Variants in SCHIP1 observed in about 807,000 individuals in gnomAD.
SCHIP1 encodes schwannomin-interacting protein 1.
In SCHIP1, 8 loss-of-function variants were observed where a neutral mutation model predicts 29.7. The ratio of observed to expected loss-of-function variants is 0.27; its 90% CI spans 0.16 to 0.49. SCHIP1 has a LOEUF of 0.49. Among genes scored for constraint, SCHIP1 ranks in the 20% least tolerant of loss-of-function variants. The pLI is 0.99. For missense variants in SCHIP1, 193 were observed against 294.6 expected, an observed-to-expected ratio of 0.66 and a Z score of 2.52; for synonymous variants, 76 against 94.9, an observed-to-expected ratio of 0.80 and a Z score of 1.16.
At chr3:159,563,579 A>C in the SCHIP1 span, among the ~76,000 whole-genome samples, 1 of 152,312 alleles carries the variant, frequency 6.6e-6, no homozygotes, top group Middle Eastern at 3.4e-3. Flanking sequence ...CTGTAATCCC[A>C]GCACTTTGGA....
At chr3:159,811,570 C>T in the SCHIP1 span, among the ~76,000 whole-genome samples, 5 of 152,276 alleles carry the variant, frequency 3.3e-5, no homozygotes, top group East Asian at 9.6e-4. Flanking sequence ...ACCTTGGCAC[C>T]TTTGTCAAAA....
chr3:159,556,346 G>A, the SCHIP1 span, among the ~76,000 whole-genome samples: 1 of 152,084 alleles, frequency 6.6e-6, no homozygotes, highest in Non-Finnish European at 1.5e-5. Flanking sequence ...CAACCATTGT[G>A]GAAGTCAGTG....
intron 6 of SCHIP1, chr3:159,893,942 A>C (rs561634223): frequency 5.3e-5 from 8 of 152,342 alleles, no homozygotes; most frequent in African/African-American, 1.9e-4. Context: ...CAGCAGCCCC[A>C]GAGTCCTGCA....
chr3:159,311,418 T>C, the SCHIP1 span, among the ~76,000 whole-genome samples: 1 of 152,156 alleles, frequency 6.6e-6, no homozygotes, highest in Non-Finnish European at 1.5e-5. Flanking sequence ...AATTTCTAGC[T>C]ACCCAGGTGT....
the SCHIP1 span, among the ~76,000 whole-genome samples, chr3:159,437,210 G>A: frequency 3.3e-5 from 5 of 152,180 alleles, no homozygotes; most frequent in Admixed American, 2.6e-4. Context: ...CTAGCTGCCA[G>A]CCATGCCAGC....
chr3:159,654,279 C>T, the SCHIP1 span, among the ~76,000 whole-genome samples: 394 of 152,226 alleles, frequency 2.6e-3, 2 homozygotes, highest in Middle Eastern at 0.01. Flanking sequence ...TGCAACCTCA[C>T]TCATTCTCTC....
At chr3:159,710,117 G>T in the SCHIP1 span, among the ~76,000 whole-genome samples, 1 of 152,144 alleles carries the variant, frequency 6.6e-6, no homozygotes, top group African/African-American at 2.4e-5. Context: ...AAATCTGTAC[G>T]TTGAAGAGAT....
At chr3:159,508,887 A>G in the SCHIP1 span, among the ~76,000 whole-genome samples, 2 of 152,202 alleles carry the variant, frequency 1.3e-5, no homozygotes, top group Non-Finnish European at 2.9e-5. Flanking sequence ...TTTACTTCCA[A>G]CTATGTGGTC....
At chr3:159,896,961 A>G (rs1718119154) in exon 7 of SCHIP1, 2 of 508,334 alleles carry the variant, frequency 3.9e-6, no homozygotes, top group Non-Finnish European at 6.5e-6. Flanking sequence ...GCCACTTAAT[A>G]TCAGGCATTT....
chr3:159,737,736 G>A, the SCHIP1 span, among the ~76,000 whole-genome samples: 1 of 152,126 alleles, frequency 6.6e-6, no homozygotes, highest in Non-Finnish European at 1.5e-5. Flanking sequence ...CATGATTCCA[G>A]GGCTGGCAAA....
chr3:159,380,465 T>C, the SCHIP1 span, among the ~76,000 whole-genome samples: 1 of 152,206 alleles, frequency 6.6e-6, no homozygotes, highest in East Asian at 1.9e-4. Context: ...AACTTATTTC[T>C]TTTCGTAAAA....
chr3:159,736,862 G>A, the SCHIP1 span, among the ~76,000 whole-genome samples: 5 of 152,082 alleles, frequency 3.3e-5, no homozygotes, highest in Non-Finnish European at 7.4e-5. Flanking sequence ...AGTCTCCTGA[G>A]TAGCTGGGAC....
chr3:159,424,284 A>C, the SCHIP1 span, among the ~76,000 whole-genome samples: 1 of 152,144 alleles, frequency 6.6e-6, no homozygotes, highest in Non-Finnish European at 1.5e-5. Flanking sequence ...AGAAGTTAAA[A>C]ACTTTGAAAA....
At chr3:159,498,276 T>C in the SCHIP1 span, among the ~76,000 whole-genome samples, 3 of 152,240 alleles carry the variant, frequency 2.0e-5, no homozygotes, top group Non-Finnish European at 2.9e-5. Context: ...AACTCATTTC[T>C]ATCTTTTAAG....
At chr3:159,859,037 A>G (rs1346476805) in intron 1 of SCHIP1, among the ~76,000 whole-genome samples, 2 of 152,254 alleles carry the variant, frequency 1.3e-5, no homozygotes, top group Non-Finnish European at 2.9e-5. Context: ...CTGACTTACT[A>G]TCCGTTCAGT....
At chr3:159,451,812 T>C in the SCHIP1 span, among the ~76,000 whole-genome samples, 31 of 152,212 alleles carry the variant, frequency 2.0e-4, no homozygotes, top group Non-Finnish European at 3.8e-4. Flanking sequence ...AGACATAAAG[T>C]GCTGTGAGAG....
chr3:159,662,326 AC>A, the SCHIP1 span, among the ~76,000 whole-genome samples: 1 of 152,092 alleles, frequency 6.6e-6, no homozygotes, highest in Non-Finnish European at 1.5e-5. Flanking sequence ...TGCAAGCTAC[AC>A]CCTTCTATAG....
At chr3:159,610,595 T>G in the SCHIP1 span, among the ~76,000 whole-genome samples, 12 of 152,208 alleles carry the variant, frequency 7.9e-5, no homozygotes, top group African/African-American at 2.2e-4. Flanking sequence ...CTTTGCCACA[T>G]CAAACACCTA....
chr3:159,741,760 C>T, the SCHIP1 span, among the ~76,000 whole-genome samples: 4 of 152,164 alleles, frequency 2.6e-5, no homozygotes, highest in Admixed American at 2.6e-4. Context: ...GGTGGAAACC[C>T]AGAGGGCAGC....
Sources: gnomAD v4.1 joint callset for allele counts (sites outside exome capture counted in the v4.1 genomes callset) on GRCh38, gnomAD v4.1.1 for gene constraint, MANE v1.5 for transcripts, NCBI Gene and HGNC (gene_info 2026-07-23, HGNC 2026-07-21) for gene names.